The following INPP4B variants were observed in gnomAD, a reference collection of about 807,000 sequenced individuals.
INPP4B encodes inositol polyphosphate-4-phosphatase type II B, also known as inositol polyphosphate 4-phosphatase type II.
Under a neutral mutation model 122.5 loss-of-function variants are expected in INPP4B, and 55 were observed. The observed-to-expected ratio is 0.45, with a 90% CI of 0.36 to 0.56. The LOEUF is 0.56. Among genes scored for constraint, INPP4B ranks in the 20% least tolerant of loss-of-function variants. INPP4B has a pLI of 0.00. For synonymous variants in INPP4B, 403 were observed against 388.7 expected (o/e 1.04, Z -0.43); for missense variants, 1,000 against 1,097.7 (o/e 0.91, Z 1.26).
intron 2 of INPP4B, among the ~76,000 whole-genome samples, chr4:142,700,490 T>A (rs1462887864): frequency 3.3e-5 from 5 of 152,184 alleles, no homozygotes; most frequent in Admixed American, 6.5e-5. Context: ...TATAGAATTG[T>A]ACTTATTTCC....
At chr4:142,340,188 A>C (rs1778183324) in intron 7 of INPP4B, among the ~76,000 whole-genome samples, 2 of 152,190 alleles carry the variant, frequency 1.3e-5, no homozygotes, top group Non-Finnish European at 2.9e-5. Flanking sequence ...ATAACCATGG[A>C]GGCCTCTCCA....
At chr4:142,405,159 A>AAGAGAGAGAGAG (rs3076598) in intron 6 of INPP4B, 47 bp downstream of exon 6, 6 of 970,584 alleles carry the variant, frequency 6.2e-6, no homozygotes, top group Admixed American at 1.8e-5. Flanking sequence ...GCGAGCCAGC[A>AAGAGAGAGAGAG]AGAGAGAGAG....
chr4:142,717,368 C>A (rs1763914447), intron 2 of INPP4B, among the ~76,000 whole-genome samples: 1 of 152,128 alleles, frequency 6.6e-6, no homozygotes, highest in Admixed American at 6.5e-5. Flanking sequence ...AAGAATCTTT[C>A]TTTCCCAGTT....
chr4:142,790,806 T>C (rs1234441684), intron 1 of INPP4B, among the ~76,000 whole-genome samples: 1 of 152,002 alleles, frequency 6.6e-6, no homozygotes, highest in Non-Finnish European at 1.5e-5. Flanking sequence ...ATATTAAAAA[T>C]AAACCAAGTT....
chr4:142,122,867 C>A (rs892344404), intron 20 of INPP4B, among the ~76,000 whole-genome samples: 1 of 151,854 alleles, frequency 6.6e-6, no homozygotes, highest in South Asian at 2.1e-4. Context: ...TATAAAATAT[C>A]TTTTAAAACT....
In INPP4B at chr4:142,157,636, C is replaced by T. The variant is rs146081578; in HGVS notation, c.1563+2722G>A. On this transcript the variant is annotated intron_variant, in intron 17 of 25. Coordinates refer to ENST00000262992, the MANE Select transcript of INPP4B (RefSeq NM_001101669.3). ...ACAACAAGAGAAACTGAGATGACAG[C>T]TTTTCATCAACTGGAGAAAAGAATC... is the stretch of plus-strand genomic sequence containing the variant. Among the ~76,000 whole-genome samples the T allele has an allele frequency of 7.0e-4, 106 of 152,224 alleles. No individual in the cohort carries two copies. In the East Asian group the frequency reaches 0.018, roughly 26 times the overall value.
At chr4:142,503,134 T>C (rs540312055) in intron 2 of INPP4B, among the ~76,000 whole-genome samples, 10 of 152,162 alleles carry the variant, frequency 6.6e-5, no homozygotes, top group Non-Finnish European at 1.3e-4. Context: ...ATATAGAGTG[T>C]CATTCATGTA....
chr4:142,168,659 T>C (rs1824056693), intron 16 of INPP4B, among the ~76,000 whole-genome samples: 1 of 151,682 alleles, frequency 6.6e-6, no homozygotes. Context: ...CGGGCCTGTG[T>C]GACCACCAGG....
intron 1 of INPP4B, among the ~76,000 whole-genome samples, chr4:142,838,180 A>G (rs1783046233): frequency 6.6e-6 from 1 of 152,116 alleles, no homozygotes; most frequent in African/African-American, 2.4e-5. Flanking sequence ...TTTCACACAC[A>G]TACACACACA....
chr4:142,568,376 A>C (rs1732100026), intron 2 of INPP4B, among the ~76,000 whole-genome samples: 1 of 152,078 alleles, frequency 6.6e-6, no homozygotes, highest in Admixed American at 6.6e-5. Flanking sequence ...AATCACCCAG[A>C]TATCGGCTTG....
chr4:142,201,937 A>C (rs1230901093), intron 14 of INPP4B, among the ~76,000 whole-genome samples: 1 of 152,054 alleles, frequency 6.6e-6, no homozygotes, highest in African/African-American at 2.4e-5. Flanking sequence ...GTGTAATAAA[A>C]GTCTTCAGAT....
chr4:142,165,561 C>A (rs1282815357), intron 16 of INPP4B, among the ~76,000 whole-genome samples: 1 of 151,664 alleles, frequency 6.6e-6, no homozygotes, highest in Admixed American at 6.6e-5. Context: ...TTAGTAAAGT[C>A]CCCCAGAAGC....
chr4:142,143,905 T>C (rs1036449849), intron 18 of INPP4B, among the ~76,000 whole-genome samples: 1 of 152,054 alleles, frequency 6.6e-6, no homozygotes, highest in African/African-American at 2.4e-5. Flanking sequence ...TTCACACATT[T>C]AAATAGTGAC....
chr4:142,039,523 T>A (rs961467770), intron 25 of INPP4B, among the ~76,000 whole-genome samples: 2 of 151,984 alleles, frequency 1.3e-5, no homozygotes, highest in African/African-American at 4.8e-5. Flanking sequence ...ATTTCGGAAG[T>A]ACCTATGGCC....
chr4:142,585,475 G>A (rs1376265346), intron 2 of INPP4B, among the ~76,000 whole-genome samples: 1 of 151,934 alleles, frequency 6.6e-6, no homozygotes, highest in African/African-American at 2.4e-5. Context: ...GTTTCTGGTG[G>A]GACAGCCCAC....
In INPP4B at chr4:142,246,147, C is replaced by G. The variant is rs556927324; in HGVS notation, c.689-8136G>C. On this transcript the variant is annotated intron_variant, in intron 11 of 25. Coordinates refer to ENST00000262992, the MANE Select transcript of INPP4B (RefSeq NM_001101669.3). ...ATGTATACACACACATATATATATA[C>G]ATATATGTGTTTTGGTACCAGTACC... Among the ~76,000 whole-genome samples the G allele has an allele frequency of 1.0e-3, 146 of 142,518 alleles. 1 individual carries two copies. The highest frequency in any genetic ancestry group is 5.8e-4 in the Non-Finnish European group (39 of 66,916). The allele number at this position is 142,518 out of a possible 152,430, so 93.5% of individuals were successfully genotyped here.
intron 2 of INPP4B, among the ~76,000 whole-genome samples, chr4:142,646,391 T>C (rs1427161291): frequency 6.6e-6 from 1 of 152,086 alleles, no homozygotes; most frequent in Non-Finnish European, 1.5e-5. Flanking sequence ...AAAAAAAGAT[T>C]ACAGGCAAAA....
In INPP4B at chr4:142,305,446, A is replaced by G. The variant is rs771706309; in HGVS notation, c.503+12T>C. 6.3e-7 allele frequency: 1 copy of G among 1,599,792 alleles called. No homozygotes were observed. The highest frequency in any genetic ancestry group is 1.7e-5 in the Admixed American group (1 of 58,568). On this transcript the variant is annotated intron_variant, in intron 9 of 25. Coordinates refer to ENST00000262992, the MANE Select transcript of INPP4B (RefSeq NM_001101669.3). ...TAACTTTAACAGTATTTCTACAAAC[A>G]AAGAGACCCACCTCAGGCTCAGGAC...
chr4:142,656,358 T>A (rs567847725), intron 2 of INPP4B, among the ~76,000 whole-genome samples: 1 of 152,316 alleles, frequency 6.6e-6, no homozygotes, highest in Admixed American at 6.5e-5. Context: ...GCGCCCAACA[T>A]GGGGCTCGAG....
Sources: allele counts gnomAD v4.1 joint callset (sites outside exome capture counted in the v4.1 genomes callset), GRCh38; gene constraint gnomAD v4.1.1; transcripts MANE v1.5; gene names NCBI Gene and HGNC (gene_info 2026-07-23, HGNC 2026-07-21).